DEFB110: variants seen among roughly 807,000 people sequenced by gnomAD.
DEFB110 encodes defensin beta 110.
DEFB110 carries 4 observed loss-of-function variants against 2.5 expected under a neutral mutation model. The ratio of observed to expected loss-of-function variants is 1.60; its 90% CI spans 0.79 to 3.66. The LOEUF (loss-of-function observed/expected upper bound fraction) is 3.66. Ranked by LOEUF, DEFB110 falls within the 30% of genes most tolerant of loss-of-function variation. The pLI is 0.01. For synonymous variants in DEFB110, 29 were observed against 21.8 expected, an observed-to-expected ratio of 1.33 and a Z score of -0.92; for missense variants, 94 against 75.4, an observed-to-expected ratio of 1.25 and a Z score of -0.91.
At chr6:50,010,366 C>T (rs1324740413) in intron 1 of DEFB110, among the ~76,000 whole-genome samples, 1 of 151,704 alleles carries the variant, frequency 6.6e-6, no homozygotes, top group Non-Finnish European at 1.5e-5. Flanking sequence ...AAATGGTAGG[C>T]ATTTATTTTA....
At chr6:50,013,078 T>C (rs952247869) in intron 1 of DEFB110, among the ~76,000 whole-genome samples, 1 of 151,928 alleles carries the variant, frequency 6.6e-6, no homozygotes, top group Non-Finnish European at 1.5e-5. Flanking sequence ...CAGATTCTTT[T>C]CTAAGCCAGT....
chr6:50,009,350 G>T, intron 1 of DEFB110: 1 of 1,448,586 alleles, frequency 6.9e-7, no homozygotes, highest in South Asian at 1.4e-5. Context: ...GACAAAAACT[G>T]TTCCAGTTAT....
In DEFB110 at chr6:50,012,579, C is replaced by G. The variant is rs181374427; in HGVS notation, c.56-3308G>C. Among the ~76,000 whole-genome samples, 30 of 151,924 alleles carry G rather than the reference C, an allele frequency of 2.0e-4. No individual in the cohort carries two copies. In the East Asian group the frequency reaches 4.8e-3, roughly 24 times the overall value. On this transcript the variant is annotated intron_variant, in intron 1 of 1. Transcript: ENST00000393660. ...ATACTTCAGAGGGTTGTGTGGCAAT[C>G]AAATGAGGTAATACATAAGGAAAAA...
chr6:50,010,655 A>G (rs1774212457), intron 1 of DEFB110, among the ~76,000 whole-genome samples: 1 of 151,414 alleles, frequency 6.6e-6, no homozygotes, highest in African/African-American at 2.4e-5. Context: ...TGGTAAACTA[A>G]TTTATAATGA....
At chr6:50,020,360 G>T (rs1404480742) in intron 1 of DEFB110, among the ~76,000 whole-genome samples, 1 of 151,496 alleles carries the variant, frequency 6.6e-6, no homozygotes, top group Non-Finnish European at 1.5e-5. Context: ...ATTTTAAATT[G>T]TACCAAGTCA....
intron 1 of DEFB110, among the ~76,000 whole-genome samples, chr6:50,013,817 T>C (rs1179002895): frequency 6.6e-6 from 1 of 151,816 alleles, no homozygotes; most frequent in African/African-American, 2.4e-5. Context: ...GATTACGAAA[T>C]GACAATGTTT....
chr6:50,021,030 G>A (rs1253576894), intron 1 of DEFB110, among the ~76,000 whole-genome samples: 1 of 151,824 alleles, frequency 6.6e-6, no homozygotes, highest in Non-Finnish European at 1.5e-5. Flanking sequence ...AAACATTATT[G>A]TCTTCTTTCT....
rs778908387 is a variant in DEFB110, at chr6:50,009,313, G to A, written c.56-42C>T. ...TATCTAAAGTTATTAGTCTATTATT[G>A]ATTTGTGGGTTTTCTTGCTAAAGAA... On this transcript the variant is annotated intron_variant, in intron 1 of 1. Transcript: ENST00000393660. 7 of 1,545,968 alleles carry A rather than the reference G, an allele frequency of 4.5e-6. No homozygotes were observed. The South Asian group carries it at 7.5e-5, about 17-fold the overall frequency.
At chr6:50,019,410 T>G (rs1246131793) in intron 1 of DEFB110, among the ~76,000 whole-genome samples, 2 of 152,118 alleles carry the variant, frequency 1.3e-5, no homozygotes, top group Non-Finnish European at 2.9e-5. Flanking sequence ...ATAATTTATC[T>G]TTTGGTCAGA....
chr6:50,017,662 A>C (rs1466860949), downstream of DEFB110, among the ~76,000 whole-genome samples: 2 of 151,634 alleles, frequency 1.3e-5, no homozygotes, highest in Non-Finnish European at 2.9e-5. Context: ...ATTGCAAGAA[A>C]ACACACTGAA....
At chr6:50,016,980 C>T (rs950170213), downstream of DEFB110, among the ~76,000 whole-genome samples, 2 of 151,596 alleles carry the variant, frequency 1.3e-5, no homozygotes, top group South Asian at 2.1e-4. Flanking sequence ...AATCTCTCAT[C>T]TTCTTGGTGG....
At chr6:50,013,790 T>A (rs1223936873) in intron 1 of DEFB110, among the ~76,000 whole-genome samples, 2 of 151,828 alleles carry the variant, frequency 1.3e-5, no homozygotes, top group Non-Finnish European at 2.9e-5. Flanking sequence ...TGTTTTAGCT[T>A]CTAAGACTGC....
chr6:50,014,935 T>A (rs1015893117), downstream of DEFB110, among the ~76,000 whole-genome samples: 4 of 151,842 alleles, frequency 2.6e-5, no homozygotes, highest in African/African-American at 9.7e-5. Context: ...GATTACTGTC[T>A]CCACTCTCAT....
intron 1 of DEFB110, among the ~76,000 whole-genome samples, chr6:50,021,449 A>G (rs1774417159): frequency 6.6e-6 from 1 of 152,198 alleles, no homozygotes; most frequent in African/African-American, 2.4e-5. Flanking sequence ...ACATTGTTCA[A>G]GTCCAATCTG....
rs907268768 is a variant in DEFB110 at position 50,021,962 on chromosome 6, G to A, written c.-27C>T. 3.3e-6 allele frequency: 5 copies of A among 1,517,352 alleles called. No individual in the cohort carries two copies. The highest frequency in any genetic ancestry group is 4.9e-5 in the East Asian group (2 of 40,594). 94.0% of individuals were successfully genotyped at this position (1,517,352 alleles called of 1,614,324 possible). ...GTAGAGAGTTTCTTAAAAAAAGGGG[G>A]CAACAGACCTCCTTTTTCAAGTCAG... On this transcript the variant is annotated 5_prime_UTR_variant, in exon 1 of 2. Transcript: ENST00000371148.
intron 1 of DEFB110, among the ~76,000 whole-genome samples, chr6:50,020,492 T>C (rs1001129517): frequency 1.3e-5 from 2 of 152,148 alleles, no homozygotes; most frequent in Admixed American, 1.3e-4. Flanking sequence ...AGATTTAATA[T>C]TTTCACATAT....
downstream of DEFB110, among the ~76,000 whole-genome samples, chr6:50,016,544 C>T (rs1774319801): frequency 1.3e-5 from 2 of 151,708 alleles, 1 homozygote; most frequent in South Asian, 4.1e-4. Flanking sequence ...CATTTTTAAG[C>T]ATTTTTTTGC....
At chr6:50,015,913 GC>G (rs1179583161), downstream of DEFB110, among the ~76,000 whole-genome samples, 7 of 151,758 alleles carry the variant, frequency 4.6e-5, no homozygotes, top group Non-Finnish European at 7.4e-5. Context: ...AATATTCCAT[GC>G]TTTATTCATT....
At chr6:50,010,710 T>C (rs1420697749) in intron 1 of DEFB110, among the ~76,000 whole-genome samples, 3 of 151,606 alleles carry the variant, frequency 2.0e-5, no homozygotes, top group Admixed American at 6.6e-5. Flanking sequence ...CTGAAGTCAT[T>C]TCAGAGACAT....
Sources: gnomAD v4.1 joint callset for allele counts (sites outside exome capture counted in the v4.1 genomes callset) on GRCh38, gnomAD v4.1.1 for gene constraint, MANE v1.5 for transcripts, NCBI Gene and HGNC (gene_info 2026-07-23, HGNC 2026-07-21) for gene names.